The following SGCD variants were observed in gnomAD, a reference collection of about 807,000 sequenced individuals.
SGCD encodes the protein delta-sarcoglycan.
A neutral mutation model predicts 36.6 loss-of-function variants in SGCD; 18 were observed. That is an observed-to-expected ratio of 0.49 (90% CI 0.34 to 0.73). The LOEUF (loss-of-function observed/expected upper bound fraction) is 0.73. Among genes scored for constraint, SGCD ranks in the 30% least tolerant of loss-of-function variants. The pLI, the probability that SGCD is intolerant of heterozygous loss-of-function variation, is 0.01. For synonymous variants in SGCD, 133 were observed against 130.6 expected (o/e 1.02, Z -0.12); for missense variants, 387 against 346.7 (o/e 1.12, Z -0.92).
intron 7 of SGCD, among the ~76,000 whole-genome samples, chr5:156,693,439 G>A (rs1754191554): frequency 6.6e-6 from 1 of 152,116 alleles, no homozygotes; most frequent in Admixed American, 6.6e-5. Flanking sequence ...TACATGAACT[G>A]ACCTCTATAC....
At chr5:155,920,703 A>G (rs1456725685) in intron 1 of SGCD, among the ~76,000 whole-genome samples, 1 of 152,110 alleles carries the variant, frequency 6.6e-6, no homozygotes, top group East Asian at 1.9e-4. Flanking sequence ...ACCAGTCCAT[A>G]TGCTGTGGGC....
At position 156,381,916 on chromosome 5, in the gene SGCD, G is replaced by A. The variant is rs535139245; in HGVS notation, c.192+37239G>A. Reference sequence around the variant, plus strand: ...TAATAATAGTATATTCCTCCTATGGGTGTTAGATTGAATGATATAATCTGT... The same window carrying A: ...TAATAATAGTATATTCCTCCTATGGATGTTAGATTGAATGATATAATCTGT... On this transcript the variant is annotated intron_variant, in intron 3 of 8. Coordinates refer to ENST00000337851, the MANE Select transcript of SGCD (RefSeq NM_000337.6). Among the ~76,000 whole-genome samples, 15 of 152,226 alleles carry A rather than the reference G, an allele frequency of 9.9e-5. No homozygotes were observed. In the South Asian group the frequency reaches 3.1e-3, roughly 32 times the overall value.
At position 156,231,484 on chromosome 5, in the gene SGCD, T is replaced by C. The variant is rs537499469; in HGVS notation, c.-43-98050T>C. Among the ~76,000 whole-genome samples the C allele has an allele frequency of 2.6e-5, 4 of 152,188 alleles. No homozygotes were observed. In the South Asian group the frequency reaches 6.2e-4, roughly 24 times the overall value. ...CTGGAAGGCGGAGGTTGCAGTGAGC[T>C]GAGATCGCCCCACTGCACTCTATCC... is the stretch of plus-strand genomic sequence containing the variant. On this transcript the variant is annotated intron_variant, in intron 3 of 9. Transcript: ENST00000517913.
At chr5:155,879,079 T>TAA (rs148962402) in intron 1 of SGCD, among the ~76,000 whole-genome samples, 11 of 146,090 alleles carry the variant, frequency 7.5e-5, no homozygotes, top group Non-Finnish European at 1.5e-4. Flanking sequence ...TCTGCACACT[T>TAA]AAAAAAAAAA....
At chr5:156,072,670 G>A (rs1760618787) in intron 1 of SGCD, among the ~76,000 whole-genome samples, 1 of 152,174 alleles carries the variant, frequency 6.6e-6, no homozygotes, top group African/African-American at 2.4e-5. Flanking sequence ...GAATCTGAAT[G>A]TTGGCCTGCC....
intron 3 of SGCD, among the ~76,000 whole-genome samples, chr5:156,163,299 T>C (rs1446913053): frequency 6.6e-6 from 1 of 151,534 alleles, no homozygotes; most frequent in Non-Finnish European, 1.5e-5. Flanking sequence ...GAGTGAGACA[T>C]GTAGGAGTGA....
At chr5:155,802,138 G>C in the SGCD span, among the ~76,000 whole-genome samples, 1 of 152,210 alleles carries the variant, frequency 6.6e-6, no homozygotes, top group Non-Finnish European at 1.5e-5. Flanking sequence ...ATCCTTGTCA[G>C]TCCCAGGAGA....
intron 3 of SGCD, among the ~76,000 whole-genome samples, chr5:156,446,209 A>G (rs1753750314): frequency 6.6e-6 from 1 of 152,188 alleles, no homozygotes; most frequent in African/African-American, 2.4e-5. Context: ...TGTCAAAAGA[A>G]GGCATTATAG....
rs74797051 is a variant in SGCD, at chr5:156,413,738, T to C, written c.192+69061T>C. On this transcript the variant is annotated intron_variant, in intron 3 of 8. Transcript: ENST00000337851. ...TTATGAGTTACCTCTTTCTTGAGCC[T>C]TCCCAGCATGTAAAACAAACTTTGT... Among the ~76,000 whole-genome samples, 4 of 152,354 alleles carry C rather than the reference T, an allele frequency of 2.6e-5. No individual in the cohort carries two copies. The East Asian group carries it at 7.7e-4, about 29-fold the overall frequency.
chr5:156,537,194 G>A (rs1758150997), intron 4 of SGCD, among the ~76,000 whole-genome samples: 1 of 152,048 alleles, frequency 6.6e-6, no homozygotes, highest in African/African-American at 2.4e-5. Flanking sequence ...TAGTCCCCTT[G>A]GGGAGGATTT....
intron 7 of SGCD, among the ~76,000 whole-genome samples, chr5:156,713,731 G>A (rs1187488702): frequency 1.3e-5 from 2 of 152,210 alleles, no homozygotes; most frequent in East Asian, 3.8e-4. Context: ...TTTGTGATCT[G>A]CAGCCCCTCA....
intron 3 of SGCD, among the ~76,000 whole-genome samples, chr5:156,489,877 A>C (rs1291749466): frequency 6.6e-6 from 1 of 152,026 alleles, no homozygotes; most frequent in African/African-American, 2.4e-5. Flanking sequence ...AGATCACAAT[A>C]GAACTAAATA....
At chr5:156,223,742 G>T (rs1764779436) in intron 3 of SGCD, among the ~76,000 whole-genome samples, 1 of 152,042 alleles carries the variant, frequency 6.6e-6, no homozygotes, top group African/African-American at 2.4e-5. Context: ...TAAATGCAGA[G>T]GGGGGATAGA....
At chr5:156,254,001 T>C (rs994002298) in intron 3 of SGCD, among the ~76,000 whole-genome samples, 2 of 152,226 alleles carry the variant, frequency 1.3e-5, no homozygotes, top group African/African-American at 4.8e-5. Flanking sequence ...ATGATTTGTC[T>C]ATATATTTGG....
the SGCD span, among the ~76,000 whole-genome samples, chr5:155,827,597 C>T: frequency 6.7e-6 from 1 of 150,102 alleles, no homozygotes; most frequent in Non-Finnish European, 1.5e-5. Context: ...CACAAGCTTT[C>T]TGTTAAGTAA....
chr5:155,849,422 C>CCA, the SGCD span, among the ~76,000 whole-genome samples: 9 of 150,792 alleles, frequency 6.0e-5, no homozygotes, highest in South Asian at 8.4e-4. Context: ...CCACCCCCCT[C>CCA]CACACACACA....
At chr5:155,877,059 A>G (rs987508460) in intron 1 of SGCD, among the ~76,000 whole-genome samples, 2 of 152,106 alleles carry the variant, frequency 1.3e-5, no homozygotes, top group South Asian at 2.1e-4. Flanking sequence ...AACATCAGCT[A>G]TCTTTTATAT....
intron 3 of SGCD, among the ~76,000 whole-genome samples, chr5:156,486,908 G>T (rs940114047): frequency 6.6e-6 from 1 of 152,098 alleles, no homozygotes; most frequent in Non-Finnish European, 1.5e-5. Flanking sequence ...AGGGTTCCAA[G>T]AATTGGTTCA....
intron 3 of SGCD, among the ~76,000 whole-genome samples, chr5:156,231,946 C>T (rs1009494716): frequency 2.6e-5 from 4 of 152,208 alleles, no homozygotes; most frequent in Non-Finnish European, 5.9e-5. Context: ...CATGAGTCAA[C>T]TAAGACAGCT....
Sources: gnomAD v4.1 joint callset for allele counts (sites outside exome capture counted in the v4.1 genomes callset) on GRCh38, gnomAD v4.1.1 for gene constraint, MANE v1.5 for transcripts, NCBI Gene and HGNC (gene_info 2026-07-23, HGNC 2026-07-21) for gene names.